VNN1: variants seen among roughly 807,000 people sequenced by gnomAD.
The protein encoded by VNN1 is pantetheinase.
In VNN1, 29 loss-of-function variants were observed where a neutral mutation model predicts 41.9. The ratio of observed to expected loss-of-function variants is 0.69; its 90% confidence interval spans 0.52 to 0.94. VNN1 has a LOEUF of 0.94. VNN1 is among the 40% of genes least tolerant of loss of function. The pLI is 0.00. For missense variants in VNN1, 637 were observed against 621.1 expected, an observed-to-expected ratio of 1.03 and a Z score of -0.27; for synonymous variants, 233 against 224.4, an observed-to-expected ratio of 1.04 and a Z score of -0.34.
chr6:132,684,437 A>G lies in VNN1; in HGVS notation c.1257T>C (p.Ser419=). The G allele has an allele frequency of 6.2e-7, 1 of 1,614,132 alleles. No homozygotes were observed. The highest frequency in any genetic ancestry group is 8.5e-7 in the Non-Finnish European group (1 of 1,179,968). Residue 419 remains serine (S), a synonymous_variant, in exon 6 of 7, where the codon TCT becomes TCC. Coordinates refer to ENST00000367928, the MANE Select transcript of VNN1 (RefSeq NM_004666.3). ...NTCGDSAETA[S]TRFEMFSLSG... ...TGAGGGAGAACATTTCAAACCTGGT[A>G]GAAGCTGTTTCAGCTGAGTCACCGC...
At chr6:132,683,949 A>G (rs756939741) in intron 6 of VNN1, among the ~76,000 whole-genome samples, 16 of 152,066 alleles carry the variant, frequency 1.1e-4, no homozygotes, top group Non-Finnish European at 1.8e-4. Context: ...TCCTTCTACC[A>G]TCACACAGAG....
intron 2 of VNN1, among the ~76,000 whole-genome samples, chr6:132,700,105 G>A (rs140354790): frequency 6.6e-6 from 1 of 152,266 alleles, no homozygotes; most frequent in African/African-American, 2.4e-5. Context: ...CTATTCATAT[G>A]TAAGCAAAAT....
intron 5 of VNN1, 46 bp downstream of exon 5, chr6:132,692,175 TGA>T: frequency 6.7e-7 from 1 of 1,500,452 alleles, no homozygotes; most frequent in Non-Finnish European, 8.9e-7. Flanking sequence ...TATATTTAAC[TGA>T]GTGTCTTTAT....
chr6:132,686,557 G>A (rs1463495009), intron 5 of VNN1, among the ~76,000 whole-genome samples: 2 of 152,140 alleles, frequency 1.3e-5, no homozygotes, highest in East Asian at 1.9e-4. Flanking sequence ...TGAAACCTGG[G>A]AGACCTGACC....
At chr6:132,710,679 A>G (rs904234290) in intron 2 of VNN1, among the ~76,000 whole-genome samples, 3 of 152,124 alleles carry the variant, frequency 2.0e-5, no homozygotes, top group Non-Finnish European at 4.4e-5. Flanking sequence ...AGCTTTATCC[A>G]TGTCCCTGCA....
rs543114944 is a variant in VNN1, at chr6:132,687,365, C to T, written c.1189-2860G>A. 5.3e-5 allele frequency among the ~76,000 whole-genome samples: 8 copies of T among 152,308 alleles called. No homozygotes were observed. The South Asian group carries it at 8.3e-4, about 16-fold the overall frequency. On this transcript the variant is annotated intron_variant, in intron 5 of 6. Coordinates refer to ENST00000367928, the MANE Select transcript of VNN1 (RefSeq NM_004666.3). ...TCTTGCATCCCGATCACTCTCTTTC[C>T]GGAAACTGTTAACAACAAGAAAGAG...
chr6:132,711,145 A>C (rs953222053), intron 2 of VNN1, among the ~76,000 whole-genome samples: 2 of 152,240 alleles, frequency 1.3e-5, no homozygotes, highest in African/African-American at 2.4e-5. Context: ...TTCAGAAAGA[A>C]GTATGTGAAT....
At chr6:132,700,310 TAA>T (rs10709970) in intron 2 of VNN1, among the ~76,000 whole-genome samples, 88 of 151,630 alleles carry the variant, frequency 5.8e-4, no homozygotes, top group Middle Eastern at 3.4e-3. Flanking sequence ...AAATTTTATT[TAA>T]AAAAAAATTT....
chr6:132,703,319 T>C (rs751638420), intron 2 of VNN1, among the ~76,000 whole-genome samples: 1 of 152,128 alleles, frequency 6.6e-6, no homozygotes, highest in Non-Finnish European at 1.5e-5. Flanking sequence ...AACTAAAAGA[T>C]GAACCAATCA....
At position 132,681,131 on chromosome 6, in the gene VNN1, T is replaced by A. The variant is rs903189417; in HGVS notation, c.*2009A>T. The stretch of plus-strand genomic sequence containing the variant: ...TCTGTCCACGTTGTGCCATTGTTGG[T>A]CCATGTGACCAACATCATGTGGAAG... On this transcript the variant is annotated 3_prime_UTR_variant, in exon 7 of 7. Coordinates refer to ENST00000367928, the MANE Select transcript of VNN1 (RefSeq NM_004666.3). Among the ~76,000 whole-genome samples, 1 of 152,196 alleles carries A rather than the reference T, an allele frequency of 6.6e-6. No homozygotes were observed. The highest frequency in any genetic ancestry group is 1.5e-5 in the Non-Finnish European group (1 of 68,030).
At position 132,711,774 on chromosome 6, in the gene VNN1, G is replaced by A. The variant is rs1213507838; in HGVS notation, c.276C>T (p.Leu92=). 6.8e-6 allele frequency: 11 copies of A among 1,613,916 alleles called. No homozygotes were observed. The highest frequency in any genetic ancestry group is 1.6e-4 in the Middle Eastern group (1 of 6,084). The change falls in exon 2 of 7, where the codon CTC becomes CTT. Residue 92 remains leucine (L), a synonymous_variant. Transcript: ENST00000367928. The part of the protein sequence containing the change: ...IYGWNFNRDS[L]YPYLEDIPDP... ...CTGGGATGTCCTCCAAATATGGGTA[G>A]AGAGAGTCCCTGTTGAAGTTCCAGC...
At chr6:132,692,834 T>A (rs981067688) in intron 4 of VNN1, among the ~76,000 whole-genome samples, 190 bp downstream of exon 4, 6 of 152,166 alleles carry the variant, frequency 3.9e-5, no homozygotes. Flanking sequence ...TCAAGTTAAA[T>A]AAAACCAAAT....
In VNN1 at chr6:132,713,889, AG is replaced by A. The variant is rs750803991; in HGVS notation, c.146del (p.Ala49ValfsTer4). ...ATLTPVSREE[A>X]LALMNRNLDI... ...CCAGATTCCGATTCATTAATGCCAA[AG>A]CCTCCTCACGAGACACTGGTGTTAG... is the stretch of plus-strand genomic sequence containing the variant. On this transcript the variant is annotated frameshift_variant, in exon 1 of 7. Coordinates refer to ENST00000367928, the MANE Select transcript of VNN1 (RefSeq NM_004666.3). LOFTEE classifies it high-confidence loss of function. 7 of 1,613,790 alleles carry A rather than the reference AG, an allele frequency of 4.3e-6. No individual in the cohort carries two copies. In the South Asian group the frequency reaches 6.6e-5, roughly 15 times the overall value.
chr6:132,697,406 G>A (rs76092088), intron 2 of VNN1, among the ~76,000 whole-genome samples: 5,470 of 152,184 alleles, frequency 0.036, 130 homozygotes, highest in South Asian at 0.06. Flanking sequence ...GGATTGGCTA[G>A]GGCAGTACCA....
Position 132,682,778 on chromosome 6 carries a change from T to C in VNN1, c.*362A>G, listed in dbSNP as rs962987154. The C allele has an allele frequency of 2.6e-5, 4 of 156,728 alleles. No homozygotes were observed. The highest frequency in any genetic ancestry group is 7.2e-5 in the African/African-American group (3 of 41,596). The allele number at this position is 156,728 out of a possible 1,614,324, so 9.7% of individuals were successfully genotyped here. On this transcript the variant is annotated 3_prime_UTR_variant, in exon 7 of 7. Coordinates refer to ENST00000367928, the MANE Select transcript of VNN1 (RefSeq NM_004666.3). ...GAAATTTTCAGCAGAGCTGAATAAGTGATACGTAATATAATAAAAGTGGTA... is the reference window on the plus strand; with the variant it reads ...GAAATTTTCAGCAGAGCTGAATAAGCGATACGTAATATAATAAAAGTGGTA...
Position 132,694,091 on chromosome 6 carries a change from A to G in VNN1, c.433T>C (p.Cys145Arg), listed in dbSNP as rs183702663. The G allele has an allele frequency of 1.2e-6, 2 of 1,614,168 alleles. No homozygotes were observed. Among genetic ancestry groups the G allele is most frequent in the East Asian group, 2.2e-5 (1 of 44,882 alleles). Residue 145 changes from cysteine to arginine, a missense_variant, in exon 3 of 7, where the codon TGC (cysteine) becomes CGC (arginine). By Grantham distance (180) the Cys-to-Arg change is radical. Coordinates refer to ENST00000367928, the MANE Select transcript of VNN1 (RefSeq NM_004666.3). ...GGACACTGAGGATCACTGGTATCGC[A>G]TGGCTTCTTGTCCCCAATATTTGCC... Reference protein sequence around the residue: ...VVANIGDKKPCDTSDPQCPPD... With the variant: ...VVANIGDKKPRDTSDPQCPPD...
chr6:132,689,119 C>T (rs1778246052), intron 5 of VNN1, among the ~76,000 whole-genome samples: 1 of 152,234 alleles, frequency 6.6e-6, no homozygotes, highest in Non-Finnish European at 1.5e-5. Context: ...CTCCTGATCT[C>T]AGATGATCTG....
intron 2 of VNN1, among the ~76,000 whole-genome samples, chr6:132,705,621 G>C (rs1467853661): frequency 6.6e-6 from 1 of 152,092 alleles, no homozygotes; most frequent in Non-Finnish European, 1.5e-5. Flanking sequence ...AGACAAGAAT[G>C]TCCATTTTCA....
chr6:132,712,024 T>G (rs1043798843), intron 1 of VNN1, among the ~76,000 whole-genome samples, 185 bp from the exon 2 acceptor site: 1 of 152,118 alleles, frequency 6.6e-6, no homozygotes, highest in Non-Finnish European at 1.5e-5. Context: ...CACTGTCACT[T>G]CTTTTTCTTT....
Sources: gnomAD v4.1 joint callset for allele counts (sites outside exome capture counted in the v4.1 genomes callset) on GRCh38, gnomAD v4.1.1 for gene constraint, MANE v1.5 for transcripts, NCBI Gene and HGNC (gene_info 2026-07-23, HGNC 2026-07-21) for gene names.